The following ZNF607 variants were observed in gnomAD, a reference collection of about 807,000 sequenced individuals.
The protein encoded by ZNF607 is zinc finger protein 607.
ZNF607 carries 5 observed loss-of-function variants against 12.8 expected under a neutral mutation model. The ratio of observed to expected loss-of-function variants is 0.39; its 90% confidence interval spans 0.20 to 0.82. The LOEUF (loss-of-function observed/expected upper bound fraction) is 0.82, where lower values mean the gene tolerates loss of function less well. ZNF607 is among the 40% of genes least tolerant of loss of function. The pLI is 0.39. For synonymous variants in ZNF607, 287 were observed against 276.2 expected (o/e 1.04, Z -0.39); for missense variants, 851 against 859.2 (o/e 0.99, Z 0.12).
At chr19:37,717,224 C>T (rs775343411) in intron 1 of ZNF607, among the ~76,000 whole-genome samples, 7 of 152,170 alleles carry the variant, frequency 4.6e-5, no homozygotes, top group Admixed American at 6.5e-5. Flanking sequence ...CTCGCGCTGT[C>T]GCCCAGGCTG....
chr19:37,711,713 G>C, intron 1 of ZNF607, 21 bp from the exon 2 acceptor site: 1 of 1,288,340 alleles, frequency 7.8e-7, no homozygotes, highest in African/African-American at 1.5e-5. Context: ...AGAAGACCTT[G>C]AGACCAGCTG....
chr19:37,706,401 GT>G (rs2045084478), intron 4 of ZNF607: 1 of 152,294 alleles, frequency 6.6e-6, no homozygotes. Flanking sequence ...AAAGTTTGAG[GT>G]TCGTCTGCGT....
intron 1 of ZNF607, among the ~76,000 whole-genome samples, chr19:37,713,824 C>T (rs888244999): frequency 3.9e-5 from 6 of 152,200 alleles, no homozygotes; most frequent in Middle Eastern, 3.4e-3. Context: ...ACAACCAATA[C>T]GTACAATACA....
chr19:37,697,929 G>T lies in ZNF607; in HGVS notation c.*111C>A. 9.2e-7 allele frequency: 1 copy of T among 1,086,458 alleles called. No individual in the cohort carries two copies. The highest frequency in any genetic ancestry group is 1.3e-6 in the Non-Finnish European group (1 of 763,448). 67.3% of individuals were successfully genotyped at this position (1,086,458 alleles called of 1,614,324 possible). A position where few individuals can be genotyped will look rare whatever the true frequency, so the allele number is the denominator to read the frequency against. On this transcript the variant is annotated 3_prime_UTR_variant, in exon 5 of 5. Coordinates refer to ENST00000355202, the MANE Select transcript of ZNF607 (RefSeq NM_032689.5). ...TACAAATTGATGCCTAATAAAAACT[G>T]AACTGTATCTCAAAGCCATTCCACA... is the stretch of plus-strand genomic sequence containing the variant.
Position 37,696,643 on chromosome 19 carries a change from G to T in ZNF607, c.*1397C>A. On this transcript the variant is annotated 3_prime_UTR_variant, in exon 5 of 5. Transcript: ENST00000355202. The stretch of plus-strand genomic sequence containing the variant: ...TCACTAGGGCAGCTGGAGGAGCACG[G>T]ACTGCCCTGCCGGCAGGCAGGTGAT... 1.5e-6 allele frequency: 1 copy of T among 647,892 alleles called. No homozygotes were observed. The highest frequency in any genetic ancestry group is 1.6e-5 in the South Asian group (1 of 62,926). 40.1% of individuals were successfully genotyped at this position (647,892 alleles called of 1,614,324 possible).
At chr19:37,718,386 C>A (rs1219488458) in intron 1 of ZNF607, among the ~76,000 whole-genome samples, 1 of 152,120 alleles carries the variant, frequency 6.6e-6, no homozygotes, top group Non-Finnish European at 1.5e-5. Flanking sequence ...AGGCTGCAGG[C>A]GCGTAATTTC....
chr19:37,707,367 T>C (rs2045093542), intron 4 of ZNF607, among the ~76,000 whole-genome samples: 1 of 152,050 alleles, frequency 6.6e-6, no homozygotes, highest in Non-Finnish European at 1.5e-5. Context: ...GGTGCACACC[T>C]GTGGTCCCAG....
chr19:37,699,250 GA>G lies in ZNF607; in HGVS notation c.880del (p.Ser294ProfsTer231), dbSNP rs2045014928. 6.2e-7 allele frequency: 1 copy of G among 1,613,948 alleles called. No individual in the cohort carries two copies. ...KECGKAFRQF[S>X]HLVGHKRIHT... ...AATTCTTTTATGACCCACAAGGTGG[GA>G]AAACTGACGAAAGGCCTTTCCACAT... On this transcript the variant is annotated frameshift_variant, in exon 5 of 5. Transcript: ENST00000355202. LOFTEE classifies it low-confidence loss of function (END_TRUNC).
intron 1 of ZNF607, among the ~76,000 whole-genome samples, chr19:37,713,305 A>G (rs1434834013): frequency 6.6e-6 from 1 of 152,030 alleles, no homozygotes; most frequent in African/African-American, 2.4e-5. Context: ...ACTTCCTCCT[A>G]TTCAGATTTG....
chr19:37,711,954 G>C lies in ZNF607; in HGVS notation c.-74-262C>G, dbSNP rs1455253078. ...GTAGGAAATTTTCTGGCCAATGTAC[G>C]ATGTTGGTGAGGCAGATGGGGACCT... On this transcript the variant is annotated intron_variant, in intron 1 of 4. Transcript: ENST00000355202. 2.0e-5 allele frequency among the ~76,000 whole-genome samples: 3 copies of C among 152,200 alleles called. No homozygotes were observed. The South Asian group carries it at 6.2e-4, about 32-fold the overall frequency.
At chr19:37,700,241 G>T (rs915768234) in intron 4 of ZNF607, among the ~76,000 whole-genome samples, 2 of 152,112 alleles carry the variant, frequency 1.3e-5, no homozygotes, top group Admixed American at 6.5e-5. Context: ...GAACTGACCA[G>T]CTGTACCACA....
At position 37,699,444 on chromosome 19, in the gene ZNF607, T is replaced by C; in HGVS notation, c.687A>G (p.Glu229=). ...CATACACACTAAAGGCCTTGCCACA[T>C]TCCTTACATTCGTAGGGTTTCTCAC... ...HYGEKPYECK[E]CGKAFSVYGR... The change falls in exon 5 of 5, where the codon GAA becomes GAG. Residue 229 remains glutamate, a synonymous_variant. Coordinates refer to ENST00000355202, the MANE Select transcript of ZNF607 (RefSeq NM_032689.5). 1 of 1,614,090 alleles carries C rather than the reference T, an allele frequency of 6.2e-7. No individual in the cohort carries two copies. Among genetic ancestry groups the C allele is most frequent in the Non-Finnish European group, 8.5e-7 (1 of 1,179,968 alleles).
chr19:37,700,286 A>G (rs1013457969), intron 4 of ZNF607, among the ~76,000 whole-genome samples: 7 of 152,220 alleles, frequency 4.6e-5, no homozygotes, highest in South Asian at 4.1e-4. Context: ...TATGCTAAGA[A>G]TACAGGCAAG....
chr19:37,717,794 G>A (rs1343447439), intron 1 of ZNF607, among the ~76,000 whole-genome samples: 10 of 131,288 alleles, frequency 7.6e-5, no homozygotes, highest in Admixed American at 1.6e-4. Context: ...CAACAAGAGC[G>A]GAACTCAGTC....
rs1329162435 is a variant in ZNF607, at chr19:37,696,901, C to T, written c.*1139G>A. The stretch of plus-strand genomic sequence containing the variant: ...AAGAAGGTCAGATGTGTCAAAGACA[C>T]GTCGTCCAGAATGAGCCCAAAGGTG... On this transcript the variant is annotated 3_prime_UTR_variant, in exon 5 of 5. Transcript: ENST00000355202. 4.4e-6 allele frequency: 3 copies of T among 679,836 alleles called. No individual in the cohort carries two copies. Among genetic ancestry groups the T allele is most frequent in the South Asian group, 1.6e-5 (1 of 61,928 alleles). The allele number at this position is 679,836 out of a possible 1,614,324, so 42.1% of individuals were successfully genotyped here. A position where few individuals can be genotyped will look rare whatever the true frequency, so the allele number is the denominator to read the frequency against.
chr19:37,717,218 C>T lies in ZNF607; in HGVS notation c.-75+2051G>A, dbSNP rs372715375. ...TTTATTTTTTTGAGACGGAGTCTCG[C>T]GCTGTCGCCCAGGCTGGCGTGCAGT... is the stretch of plus-strand genomic sequence containing the variant. On this transcript the variant is annotated intron_variant, in intron 1 of 4. Transcript: ENST00000355202. 2.0e-4 allele frequency among the ~76,000 whole-genome samples: 31 copies of T among 152,246 alleles called. 1 individual carries two copies. In the South Asian group the frequency reaches 6.0e-3, roughly 29 times the overall value.
At position 37,699,494 on chromosome 19, in the gene ZNF607, T is replaced by C; in HGVS notation, c.637A>G (p.Thr213Ala). The stretch of plus-strand genomic sequence containing the variant: ...CCATAATGAAATCTATGATGTACAG[T>C]AAGTTGACGGCTAGTCCTAAAAGCT... Reference protein sequence around the residue: ...GEAFRTSRQLTVHHRFHYGEK... With the variant: ...GEAFRTSRQLAVHHRFHYGEK... The change falls in exon 5 of 5, where the codon ACT (threonine) becomes GCT (alanine). Residue 213 changes from threonine to alanine, a missense_variant. Transcript: ENST00000355202. 1 of 1,613,892 alleles carries C rather than the reference T, an allele frequency of 6.2e-7. No homozygotes were observed. The highest frequency in any genetic ancestry group is 8.5e-7 in the Non-Finnish European group (1 of 1,179,866).
intron 4 of ZNF607, among the ~76,000 whole-genome samples, chr19:37,704,937 C>T (rs1291826101): frequency 4.0e-5 from 6 of 151,880 alleles, no homozygotes; most frequent in East Asian, 1.9e-4. Context: ...GGCAACAGAG[C>T]GAGACTCTGT....
At chr19:37,717,781 G>C (rs1409497425) in intron 1 of ZNF607, among the ~76,000 whole-genome samples, 3 of 139,508 alleles carry the variant, frequency 2.2e-5, no homozygotes, top group Non-Finnish European at 4.6e-5. Context: ...ACTCCAGCCT[G>C]GGCAACAAGA....
Sources: gnomAD v4.1 joint callset for allele counts (sites outside exome capture counted in the v4.1 genomes callset) on GRCh38, gnomAD v4.1.1 for gene constraint, MANE v1.5 for transcripts, NCBI Gene and HGNC (gene_info 2026-07-23, HGNC 2026-07-21) for gene names.